The following ATRNL1 variants were observed in gnomAD, a reference collection of about 807,000 sequenced individuals.
ATRNL1 encodes attractin like 1, also known as attractin-like protein 1.
Under a neutral mutation model 182.7 loss-of-function variants are expected in ATRNL1, and 95 were observed. The ratio of observed to expected loss-of-function variants is 0.52; its 90% CI spans 0.44 to 0.62. The LOEUF (loss-of-function observed/expected upper bound fraction) is 0.62, where lower values mean the gene tolerates loss of function less well. Ranked by LOEUF, ATRNL1 falls within the 20% of genes least tolerant of loss-of-function variation. The pLI, the probability that ATRNL1 is intolerant of heterozygous loss-of-function variation, is 0.00. For missense variants in ATRNL1, 1,471 were observed against 1,679.5 expected, an observed-to-expected ratio of 0.88 and a Z score of 2.17; for synonymous variants, 576 against 568.3, an observed-to-expected ratio of 1.01 and a Z score of -0.19.
rs190276376 is a variant in ATRNL1, at chr10:115,705,343, C to T, written c.3796-21905C>T. ...ACATCTAGAAATTTTCTTCACTTCCCAGAAAATAAGATTGGTTAAAATAAT... is the reference window on the plus strand; with the variant it reads ...ACATCTAGAAATTTTCTTCACTTCCTAGAAAATAAGATTGGTTAAAATAAT... On this transcript the variant is annotated intron_variant, in intron 26 of 28. Transcript: ENST00000355044. Among the ~76,000 whole-genome samples, 803 of 151,802 alleles carry T rather than the reference C, an allele frequency of 5.3e-3. 8 individuals carry two copies. The highest frequency in any genetic ancestry group is 0.019 in the African/African-American group (772 of 41,450).
intron 15 of ATRNL1, among the ~76,000 whole-genome samples, chr10:115,299,308 G>A (rs1454522099): frequency 2.6e-5 from 4 of 151,854 alleles, no homozygotes; most frequent in Non-Finnish European, 5.9e-5. Context: ...ATATGGTAAA[G>A]ATTTTTATTT....
At chr10:115,698,422 TAAC>T (rs1243937748) in intron 26 of ATRNL1, among the ~76,000 whole-genome samples, 1 of 152,148 alleles carries the variant, frequency 6.6e-6, no homozygotes, top group South Asian at 2.1e-4. Flanking sequence ...TGAATTTTCT[TAAC>T]ATGTGGCATA....
intron 2 of ATRNL1, among the ~76,000 whole-genome samples, chr10:115,121,265 G>A (rs1219851287): frequency 6.6e-6 from 1 of 151,944 alleles, no homozygotes; most frequent in Non-Finnish European, 1.5e-5. Context: ...GGTGCATGCC[G>A]CCATGCGCAG....
chr10:115,631,374 TAGAG>T (rs1469303190), intron 26 of ATRNL1, among the ~76,000 whole-genome samples: 8 of 152,116 alleles, frequency 5.3e-5, no homozygotes, highest in South Asian at 2.1e-4. Context: ...ATTAAATAAA[TAGAG>T]AGCACAAATG....
At chr10:115,393,171 C>A (rs1467273551) in intron 19 of ATRNL1, among the ~76,000 whole-genome samples, 2 of 152,132 alleles carry the variant, frequency 1.3e-5, no homozygotes, top group Non-Finnish European at 2.9e-5. Context: ...AATCTTTCCC[C>A]CTTTCACTCT....
At chr10:115,339,797 C>G (rs368788131) in intron 19 of ATRNL1, among the ~76,000 whole-genome samples, 17 of 152,174 alleles carry the variant, frequency 1.1e-4, no homozygotes, top group Admixed American at 5.9e-4. Flanking sequence ...AGAAGAAAGC[C>G]TCTCAATTTT....
chr10:115,569,265 C>T (rs896403293), intron 26 of ATRNL1, among the ~76,000 whole-genome samples: 1 of 152,090 alleles, frequency 6.6e-6, no homozygotes, highest in Admixed American at 6.6e-5. Context: ...TATACCCTAA[C>T]TTATTTAGTC....
intron 26 of ATRNL1, among the ~76,000 whole-genome samples, chr10:115,659,760 GAGTA>G (rs1860559091): frequency 1.3e-5 from 2 of 152,050 alleles, no homozygotes; most frequent in African/African-American, 4.8e-5. Flanking sequence ...CCAGAAAAGT[GAGTA>G]AGAATTAGAC....
chr10:115,603,895 T>A (rs2133949009), intron 26 of ATRNL1, among the ~76,000 whole-genome samples: 1 of 152,290 alleles, frequency 6.6e-6, no homozygotes, highest in African/African-American at 2.4e-5. Context: ...TTGCCTGCAG[T>A]TTTCAAAGAT....
chr10:115,832,570 C>T (rs150368529), intron 27 of ATRNL1, among the ~76,000 whole-genome samples: 54 of 152,306 alleles, frequency 3.5e-4, no homozygotes, highest in African/African-American at 1.3e-3. Context: ...TATGTCATTA[C>T]TTCCAGATGC....
At chr10:115,143,718 GAGAGCC>G (rs1845846077) in intron 5 of ATRNL1, among the ~76,000 whole-genome samples, 1 of 152,090 alleles carries the variant, frequency 6.6e-6, no homozygotes, top group Non-Finnish European at 1.5e-5. Context: ...GAGAGCAAGA[GAGAGCC>G]AGAGAGAGAG....
chr10:115,524,635 T>C (rs576842102), intron 25 of ATRNL1, among the ~76,000 whole-genome samples: 1 of 152,310 alleles, frequency 6.6e-6, no homozygotes, highest in Admixed American at 6.5e-5. Context: ...AGTTGGTCTT[T>C]TCCACTATGA....
At chr10:115,638,865 A>C (rs577877408) in intron 26 of ATRNL1, among the ~76,000 whole-genome samples, 1 of 152,308 alleles carries the variant, frequency 6.6e-6, no homozygotes, top group Non-Finnish European at 1.5e-5. Flanking sequence ...TCTGCAGATA[A>C]AATAGAGTGA....
At chr10:115,880,759 G>A (rs1277554020) in intron 28 of ATRNL1, among the ~76,000 whole-genome samples, 1 of 152,210 alleles carries the variant, frequency 6.6e-6, no homozygotes, top group Non-Finnish European at 1.5e-5. Context: ...TTTTCATCCT[G>A]AGTCTTTTGT....
intron 28 of ATRNL1, among the ~76,000 whole-genome samples, chr10:115,882,693 A>C (rs1170143950): frequency 6.6e-6 from 1 of 152,190 alleles, no homozygotes; most frequent in Non-Finnish European, 1.5e-5. Context: ...TCTGAGTTGG[A>C]GAATGAGAAG....
chr10:115,461,901 A>G (rs782631279), intron 21 of ATRNL1, 40 bp from the exon 22 acceptor site: 18 of 1,450,050 alleles, frequency 1.2e-5, no homozygotes, highest in Non-Finnish European at 1.6e-5. Flanking sequence ...GACAGTTTTT[A>G]AAGTACATAT....
chr10:115,729,769 CT>C (rs1947733085), intron 27 of ATRNL1, among the ~76,000 whole-genome samples: 3 of 152,158 alleles, frequency 2.0e-5, no homozygotes, highest in Non-Finnish European at 2.9e-5. Flanking sequence ...CAACTTCCCT[CT>C]GTTTCTCCTT....
intron 19 of ATRNL1, among the ~76,000 whole-genome samples, chr10:115,379,798 T>C (rs782214126): frequency 3.9e-5 from 6 of 152,196 alleles, no homozygotes; most frequent in Non-Finnish European, 8.8e-5. Context: ...TGTGTAGGTT[T>C]ATTTAAATAT....
intron 28 of ATRNL1, among the ~76,000 whole-genome samples, chr10:115,941,039 G>A (rs1045834599): frequency 1.4e-4 from 22 of 152,134 alleles, no homozygotes; most frequent in African/African-American, 4.8e-4. Context: ...ACATTGTTTG[G>A]CCCATCAAAT....
Sources: gnomAD v4.1 joint callset for allele counts (sites outside exome capture counted in the v4.1 genomes callset) on GRCh38, gnomAD v4.1.1 for gene constraint, MANE v1.5 for transcripts, NCBI Gene and HGNC (gene_info 2026-07-23, HGNC 2026-07-21) for gene names.